Variants in PHC2 observed in about 807,000 individuals in gnomAD.
The protein encoded by PHC2 is polyhomeotic homolog 2, also known as polyhomeotic-like protein 2.
PHC2 carries 29 observed loss-of-function variants against 87.4 expected under a neutral mutation model. The observed-to-expected ratio is 0.33, with a 90% CI of 0.25 to 0.45. PHC2 has a LOEUF of 0.45. Ranked by LOEUF, PHC2 falls within the 20% of genes least tolerant of loss-of-function variation. PHC2 has a pLI of 1.00. For missense variants in PHC2, 857 were observed against 1,136.7 expected (o/e 0.75, Z 3.54); for synonymous variants, 438 against 461.7 (o/e 0.95, Z 0.66).
At position 33,364,880 on chromosome 1, in the gene PHC2, C is replaced by T. The variant is rs1025710758; in HGVS notation, c.976+2236G>A. Among the ~76,000 whole-genome samples, 7 of 152,170 alleles carry T rather than the reference C, an allele frequency of 4.6e-5. No individual in the cohort carries two copies. The South Asian group carries it at 8.3e-4, about 18-fold the overall frequency. Reference sequence around the variant, plus strand: ...CCAGGCACTGTTAGCCTTAGGCCCTCGGGCCTCAAGCCTGTCACCTGCTGG... The same window carrying T: ...CCAGGCACTGTTAGCCTTAGGCCCTTGGGCCTCAAGCCTGTCACCTGCTGG... On this transcript the variant is annotated intron_variant, in intron 7 of 14. Transcript: ENST00000683057. This position sits in a 1 kb window ranked among gnomAD's most constrained non-coding sequence, Gnocchi z 4.1.
At chr1:33,421,197 A>C (rs1006453839) in intron 1 of PHC2, among the ~76,000 whole-genome samples, 1 of 152,134 alleles carries the variant, frequency 6.6e-6, no homozygotes, top group East Asian at 1.9e-4. Context: ...CATGGGGGAA[A>C]GGCACCCACA....
intron 9 of PHC2, among the ~76,000 whole-genome samples, chr1:33,343,075 T>C (rs1303388461): frequency 6.6e-6 from 1 of 152,168 alleles, no homozygotes; most frequent in Non-Finnish European, 1.5e-5. Flanking sequence ...CCTACCTGTC[T>C]GGGAGGTTTC....
rs1470009522 is a variant in PHC2, at chr1:33,334,791, CA to C, written c.1559-500del. On this transcript the variant is annotated intron_variant, in intron 9 of 14. Coordinates refer to ENST00000683057, the MANE Select transcript of PHC2 (RefSeq NM_001385109.1). This position sits in a 1 kb window ranked among gnomAD's most constrained non-coding sequence, Gnocchi z 5.5. ...GGATTTTAAGAGCCCTGTGAAATGT[CA>C]AAACACTGAACCCCAGAAATTGATG... Among the ~76,000 whole-genome samples the C allele has an allele frequency of 1.3e-5, 2 of 152,182 alleles. No individual in the cohort carries two copies. Among genetic ancestry groups the C allele is most frequent in the Admixed American group, 1.3e-4 (2 of 15,286 alleles).
At chr1:33,325,806 G>C (rs1448680617) in intron 14 of PHC2, 6 of 443,336 alleles carry the variant, frequency 1.4e-5, no homozygotes, top group South Asian at 8.0e-5. Context: ...TGGAAAAGGA[G>C]TGCTGACATC....
intron 1 of PHC2, among the ~76,000 whole-genome samples, chr1:33,399,901 T>C (rs948131997): frequency 1.1e-4 from 16 of 152,146 alleles, no homozygotes; most frequent in African/African-American, 2.7e-4. Context: ...ATAGAAACTA[T>C]GTTTCTGGAA....
chr1:33,417,692 A>G (rs1315512142), intron 1 of PHC2, among the ~76,000 whole-genome samples: 1 of 152,128 alleles, frequency 6.6e-6, no homozygotes, highest in Non-Finnish European at 1.5e-5. Flanking sequence ...GGAGACTTCA[A>G]TACTCCTCTC....
chr1:33,324,997 T>C lies in PHC2; in HGVS notation c.2448A>G (p.Glu816=). The C allele has an allele frequency of 6.2e-7, 1 of 1,613,254 alleles. No individual in the cohort carries two copies. The highest frequency in any genetic ancestry group is 1.1e-5 in the South Asian group (1 of 90,992). The part of the protein sequence containing the change: ...SLPGCQEIAE[E]FRAQEIDGQA... ...GCCCGTCGATTTCCTGGGCACGGAA[T>C]TCCTCTGCTATCTCCTGGCAGCCTG... The change falls in exon 15 of 15, where the codon GAA becomes GAG. Residue 816 remains glutamate (E), a synonymous_variant. Coordinates refer to ENST00000683057, the MANE Select transcript of PHC2 (RefSeq NM_001385109.1).
At chr1:33,339,311 C>A (rs973722157) in intron 9 of PHC2, among the ~76,000 whole-genome samples, 5 of 152,122 alleles carry the variant, frequency 3.3e-5, no homozygotes, top group Non-Finnish European at 7.4e-5. Flanking sequence ...TGCCTAGTGC[C>A]AAGATAAGCA....
Position 33,331,578 on chromosome 1 carries a change from G to C in PHC2, c.1892-116C>G, listed in dbSNP as rs986628257. ...GCCTGGTCCTCCTGCTCCCACAGCT[G>C]TGACATACAGCAGCATTCTAGCATG... On this transcript the variant is annotated intron_variant, in intron 11 of 14. Transcript: ENST00000683057. This position sits in a 1 kb window ranked among gnomAD's most constrained non-coding sequence, Gnocchi z 5.2. 1.7e-5 allele frequency: 11 copies of C among 657,470 alleles called. No homozygotes were observed. Among genetic ancestry groups the C allele is most frequent in the African/African-American group, 5.4e-5 (3 of 55,596 alleles). 40.7% of individuals were successfully genotyped at this position (657,470 alleles called of 1,614,324 possible). A position where few individuals can be genotyped will look rare whatever the true frequency, so the allele number is the denominator to read the frequency against.
intron 9 of PHC2, among the ~76,000 whole-genome samples, chr1:33,350,121 G>C (rs1419118017): frequency 2.6e-5 from 4 of 152,000 alleles, no homozygotes; most frequent in Non-Finnish European, 5.9e-5. Context: ...CCTGATAGCC[G>C]GTGCAAGTGC....
chr1:33,416,881 T>C (rs928258461), intron 1 of PHC2, among the ~76,000 whole-genome samples: 1 of 151,920 alleles, frequency 6.6e-6, no homozygotes, highest in Non-Finnish European at 1.5e-5. Context: ...GGTGAGTAAA[T>C]ATAAAGGTCA....
Position 33,328,882 on chromosome 1 carries a change from G to T in PHC2, c.2413C>A (p.Arg805Ser). 6.2e-7 allele frequency: 1 copy of T among 1,607,820 alleles called. No individual in the cohort carries two copies. The highest frequency in any genetic ancestry group is 8.5e-7 in the Non-Finnish European group (1 of 1,174,756). ...WNVEDVYEFIRSLPGCQEIAE... is the reference protein window; with the variant it reads ...WNVEDVYEFISSLPGCQEIAE... Reference sequence around the variant, plus strand: ...CCAAGGGCCTTACCTGGCAGAGAGCGGATGAATTCGTAGACGTCTTCTACA... The same window carrying T: ...CCAAGGGCCTTACCTGGCAGAGAGCTGATGAATTCGTAGACGTCTTCTACA... Residue 805 changes from arginine (R) to serine (S), a missense_variant, in exon 14 of 15, where the codon CGC becomes AGC. By Grantham distance (110) the Arg-to-Ser change is moderately radical. Coordinates refer to ENST00000683057, the MANE Select transcript of PHC2 (RefSeq NM_001385109.1).
At position 33,334,513 on chromosome 1, in the gene PHC2, T is replaced by G. The variant is rs1646581754; in HGVS notation, c.1559-221A>C. 6.6e-6 allele frequency among the ~76,000 whole-genome samples: 1 copy of G among 152,232 alleles called. No individual in the cohort carries two copies. Among genetic ancestry groups the G allele is most frequent in the Non-Finnish European group, 1.5e-5 (1 of 68,038 alleles). ...GTATAGTCAGTTCCACAACAACGCATGCAGCTAATCAGCTAGCAGTGTTTC... is the reference window on the plus strand; with the variant it reads ...GTATAGTCAGTTCCACAACAACGCAGGCAGCTAATCAGCTAGCAGTGTTTC... On this transcript the variant is annotated intron_variant, in intron 9 of 14. Coordinates refer to ENST00000683057, the MANE Select transcript of PHC2 (RefSeq NM_001385109.1). The surrounding 1 kb of genome is among the most constrained non-coding windows in gnomAD (Gnocchi z 5.5).
chr1:33,331,453 T>A lies in PHC2; in HGVS notation c.1901A>T (p.Glu634Val). 1 of 1,588,260 alleles carries A rather than the reference T, an allele frequency of 6.3e-7. No homozygotes were observed. Among genetic ancestry groups the A allele is most frequent in the Non-Finnish European group, 8.6e-7 (1 of 1,157,282 alleles). The change falls in exon 12 of 15, where the codon GAG (glutamate) becomes GTG (valine). Residue 634 changes from glutamate to valine, a missense_variant. Around this residue, in one of 3 missense-constraint regions of PHC2, gnomAD observed 832 missense variants for 1,081.8 expected, o/e 0.77. Transcript: ENST00000683057. The surrounding 1 kb of genome is among the most constrained non-coding windows in gnomAD (Gnocchi z 5.2). ...MEEPYLQESK[E>V]EGAPLKLKCE... is the part of the protein sequence containing the mutation. ...CTTGAGTTTGAGGGGAGCACCCTCC[T>A]CTTTGGATTCTGAAAAGTATAGAAA... is the stretch of plus-strand genomic sequence containing the variant.
At chr1:33,428,331 C>T (rs969379348) in intron 1 of PHC2, among the ~76,000 whole-genome samples, 1 of 152,152 alleles carries the variant, frequency 6.6e-6, no homozygotes, top group Non-Finnish European at 1.5e-5. Context: ...GCTTAAATAC[C>T]GCCCATGATT....
At chr1:33,348,706 A>G (rs1453013367) in intron 9 of PHC2, among the ~76,000 whole-genome samples, 1 of 152,208 alleles carries the variant, frequency 6.6e-6, no homozygotes, top group Non-Finnish European at 1.5e-5. Context: ...TCCGAGGGGA[A>G]GGCTGTCATT....
chr1:33,324,939 T>G lies in PHC2; in HGVS notation c.2506A>C (p.Met836Leu). The G allele has an allele frequency of 6.2e-7, 1 of 1,614,058 alleles. No homozygotes were observed. Among genetic ancestry groups the G allele is most frequent in the Non-Finnish European group, 8.5e-7 (1 of 1,179,934 alleles). The change falls in exon 15 of 15, where the codon ATG (methionine) becomes CTG (leucine). Residue 836 changes from methionine to leucine, a missense_variant. Transcript: ENST00000683057. ...CCCAGCTTGATGTTCATGGCGCTCA[T>G]CAGGTGGTCCTCCTTGAGCAGCAGC... Reference protein sequence around the residue: ...ALLLLKEDHLMSAMNIKLGPA... With the variant: ...ALLLLKEDHLLSAMNIKLGPA...
chr1:33,324,724 C>T lies in PHC2; in HGVS notation c.*141G>A. 1 of 833,374 alleles carries T rather than the reference C, an allele frequency of 1.2e-6. No individual in the cohort carries two copies. The highest frequency in any genetic ancestry group is 1.7e-5 in the African/African-American group (1 of 58,538). The allele number at this position is 833,374 out of a possible 1,614,324, so 51.6% of individuals were successfully genotyped here. A position where few individuals can be genotyped will look rare whatever the true frequency, so the allele number is the denominator to read the frequency against. On this transcript the variant is annotated 3_prime_UTR_variant, in exon 15 of 15. Transcript: ENST00000683057. ...CCCTGAGAGCCATGGAGGAGGTGCC[C>T]AGACCTCCTCACCAGCTATGCCCCT...
At position 33,389,992 on chromosome 1, in the gene PHC2, C is replaced by A. The variant is rs182576674; in HGVS notation, c.-54-14399G>T. Among the ~76,000 whole-genome samples, 72 of 152,160 alleles carry A rather than the reference C, an allele frequency of 4.7e-4. 1 individual carries two copies. The East Asian group carries it at 0.013, about 28-fold the overall frequency. On this transcript the variant is annotated intron_variant, in intron 1 of 14. Transcript: ENST00000683057. ...TAGCTAATTTTCAAATTAAAGTATG[C>A]AGAACTAGGACTACAGAGTGGAAAT... is the stretch of plus-strand genomic sequence containing the variant.
Sources: gnomAD v4.1 joint callset for allele counts (sites outside exome capture counted in the v4.1 genomes callset) on GRCh38, gnomAD v4.1.1 for gene constraint, gnomAD v4.1.1 regional missense constraint, Gnocchi (gnomAD v3.1) non-coding constraint, MANE v1.5 for transcripts, NCBI Gene and HGNC (gene_info 2026-07-23, HGNC 2026-07-21) for gene names.